Variants in MED6 observed in about 807,000 individuals in gnomAD.
MED6 encodes mediator complex subunit 6.
In MED6, 33 loss-of-function variants were observed where a neutral mutation model predicts 37.5. The observed-to-expected ratio is 0.88, with a 90% CI of 0.67 to 1.18. The LOEUF is 1.18. MED6 is among the 50% of genes most tolerant of loss of function. The pLI is 0.00. For missense variants in MED6, 235 were observed against 290.6 expected (o/e 0.81, Z 1.39); for synonymous variants, 94 against 93.6 (o/e 1.00, Z -0.02).
At chr14:70,590,522 A>C (rs1265997125) in intron 6 of MED6, among the ~76,000 whole-genome samples, 6 of 152,208 alleles carry the variant, frequency 3.9e-5, no homozygotes, top group African/African-American at 1.4e-4. Flanking sequence ...TCATGTGAAA[A>C]ATGTCATTTA....
intron 6 of MED6, among the ~76,000 whole-genome samples, chr14:70,590,022 A>G (rs1438411383): frequency 6.6e-6 from 1 of 152,262 alleles, no homozygotes; most frequent in Non-Finnish European, 1.5e-5. Flanking sequence ...TATTATTTCA[A>G]CATATAATCA....
chr14:70,587,597 T>A (rs1479401600), intron 6 of MED6, among the ~76,000 whole-genome samples: 1 of 152,188 alleles, frequency 6.6e-6, no homozygotes, highest in African/African-American at 2.4e-5. Flanking sequence ...TGAACTATAT[T>A]TGGACATTGG....
chr14:70,595,427 G>A (rs751848691), intron 3 of MED6: 48 of 575,670 alleles, frequency 8.3e-5, no homozygotes, highest in South Asian at 4.6e-4. Context: ...TGACGCTCAC[G>A]GAGCTGAGAG....
rs752950198 is a variant in MED6, at chr14:70,584,786, CTT to C, written c.*25_*26del. ...AGGTATGATAACTAGCATGAGGAGT[CTT>C]CCAGGCTTCTCTTTTGTCCAGTACT... is the stretch of plus-strand genomic sequence containing the variant. On this transcript the variant is annotated 3_prime_UTR_variant, in exon 8 of 8. Coordinates refer to ENST00000256379, the MANE Select transcript of MED6 (RefSeq NM_005466.4). 3.1e-6 allele frequency: 5 copies of C among 1,607,318 alleles called. No homozygotes were observed. The East Asian group carries it at 1.1e-4, about 36-fold the overall frequency.
intron 6 of MED6, among the ~76,000 whole-genome samples, chr14:70,590,816 C>T (rs1884847118): frequency 6.6e-6 from 1 of 152,188 alleles, no homozygotes; most frequent in African/African-American, 2.4e-5. Context: ...ACTCCTGTCT[C>T]CTCTGTTTAT....
At chr14:70,588,211 T>C (rs1466000898) in intron 6 of MED6, among the ~76,000 whole-genome samples, 2 of 152,196 alleles carry the variant, frequency 1.3e-5, no homozygotes, top group African/African-American at 4.8e-5. Flanking sequence ...AAGCCATCTT[T>C]CTCCTAGTTA....
chr14:70,597,801 T>A, intron 1 of MED6, 24 bp from the exon 2 acceptor site: 2 of 1,525,166 alleles, frequency 1.3e-6, no homozygotes, highest in Non-Finnish European at 1.7e-6. Context: ...AACAAAATGA[T>A]AAAGGATTAG....
At chr14:70,592,510 T>G (rs760049816) in intron 5 of MED6, 1 of 102,794 alleles carries the variant, frequency 9.7e-6, no homozygotes, top group African/African-American at 3.5e-5. Context: ...TTTTTTTTTG[T>G]AGAGACCAGG....
chr14:70,597,659 A>T lies in MED6; in HGVS notation c.141T>A (p.Asn47Lys). ...TTAGCCTCTGCATTTTGACCACTTC[A>T]TTATTACATGTTCTGTCATAAAAAG... ...SNPFYDRTCN[N>K]EVVKMQRLTL... Residue 47 changes from asparagine (N) to lysine (K), a missense_variant, in exon 2 of 8, where the codon AAT (asparagine) becomes AAA (lysine). Physicochemically the swap from Asn to Lys is moderately conservative, Grantham distance 94. Transcript: ENST00000256379. The T allele has an allele frequency of 6.5e-7, 1 of 1,550,150 alleles. No homozygotes were observed. Among genetic ancestry groups the T allele is most frequent in the Non-Finnish European group, 8.7e-7 (1 of 1,155,510 alleles).
Position 70,591,321 on chromosome 14 carries a change from C to T in MED6, c.527G>A (p.Arg176His). 1.2e-6 allele frequency: 2 copies of T among 1,610,358 alleles called. No homozygotes were observed. Residue 176 changes from arginine to histidine, a missense_variant, in exon 6 of 8, where the codon CGT becomes CAT. By Grantham distance (29) the Arg-to-His change is conservative. Coordinates refer to ENST00000256379, the MANE Select transcript of MED6 (RefSeq NM_005466.4). ...GAGGTCTAAAAGTAAAGCATCCACA[C>T]GTTGTCTCTGAAAAATAGAGCTTGG... is the stretch of plus-strand genomic sequence containing the variant. ...EEPSSIFQRQ[R>H]VDALLLDLRQ...
Position 70,584,591 on chromosome 14 carries a change from G to A in MED6, c.*222C>T. 4.4e-6 allele frequency: 2 copies of A among 456,558 alleles called. No homozygotes were observed. Among genetic ancestry groups the A allele is most frequent in the Non-Finnish European group, 7.6e-6 (2 of 263,446 alleles). 28.3% of individuals were successfully genotyped at this position (456,558 alleles called of 1,614,324 possible). ...GGGTTTCACCATATTGGTCAGGCTG[G>A]TCTTGAACTTCTGACCTCAAGTGAT... On this transcript the variant is annotated 3_prime_UTR_variant, in exon 8 of 8. Coordinates refer to ENST00000256379, the MANE Select transcript of MED6 (RefSeq NM_005466.4).
chr14:70,593,795 T>C (rs1263014908), intron 3 of MED6, among the ~76,000 whole-genome samples: 2 of 152,312 alleles, frequency 1.3e-5, no homozygotes, highest in East Asian at 3.9e-4. Context: ...CAGTCAACCT[T>C]ACTTAAGGGA....
rs562110098 is a variant in MED6, at chr14:70,599,980, C to T, written c.22+636G>A. ...CTTTAAAAATCAAGTACTATATACA[C>T]AAAAACAACTCTACATGCTCCCCAA... On this transcript the variant is annotated intron_variant, in intron 1 of 7. Coordinates refer to ENST00000256379, the MANE Select transcript of MED6 (RefSeq NM_005466.4). 3.3e-4 allele frequency among the ~76,000 whole-genome samples: 50 copies of T among 151,656 alleles called. 1 individual carries two copies. The highest frequency in any genetic ancestry group is 1.9e-4 in the East Asian group (1 of 5,136).
In MED6 at chr14:70,584,694, T is replaced by C; in HGVS notation, c.*119A>G. On this transcript the variant is annotated 3_prime_UTR_variant, in exon 8 of 8. Coordinates refer to ENST00000256379, the MANE Select transcript of MED6 (RefSeq NM_005466.4). The stretch of plus-strand genomic sequence containing the variant: ...TCCGGCCTAATATCCTTTCAAAAAA[T>C]AAGCGCATTCCATACAAATAAGAAG... The C allele has an allele frequency of 7.6e-7, 1 of 1,319,514 alleles. No homozygotes were observed. Among genetic ancestry groups the C allele is most frequent in the South Asian group, 1.5e-5 (1 of 66,240 alleles). 81.7% of individuals were successfully genotyped at this position (1,319,514 alleles called of 1,614,324 possible).
chr14:70,589,613 ACT>A (rs1412186737), intron 6 of MED6, among the ~76,000 whole-genome samples: 3 of 152,154 alleles, frequency 2.0e-5, no homozygotes, highest in African/African-American at 4.8e-5. Context: ...ACTTAAAATA[ACT>A]CTGAATGCAT....
Position 70,597,748 on chromosome 14 carries a change from T to C in MED6, c.52A>G (p.Ser18Gly). The C allele has an allele frequency of 6.4e-7, 1 of 1,552,266 alleles. No homozygotes were observed. Among genetic ancestry groups the C allele is most frequent in the Non-Finnish European group, 8.6e-7 (1 of 1,161,608 alleles). ...DNLLGISWVD[S>G]SWIPILNSGS... The stretch of plus-strand genomic sequence containing the variant: ...CTGTTCAAAATAGGGATCCAAGAGC[T>C]GTCAACCCAAGAAATTCCCAGCAGA... The change falls in exon 2 of 8, where the codon AGC becomes GGC. Residue 18 changes from serine (S) to glycine (G), a missense_variant. By Grantham distance (56) the Ser-to-Gly change is moderately conservative (BLOSUM62 0). Coordinates refer to ENST00000256379, the MANE Select transcript of MED6 (RefSeq NM_005466.4).
At chr14:70,586,855 G>C (rs1468648822) in intron 6 of MED6, among the ~76,000 whole-genome samples, 1 of 152,188 alleles carries the variant, frequency 6.6e-6, no homozygotes, top group East Asian at 1.9e-4. Context: ...GGTTACCACA[G>C]AAGGCCTGAG....
intron 3 of MED6, chr14:70,594,556 G>T: frequency 2.5e-6 from 1 of 403,492 alleles, no homozygotes; most frequent in Non-Finnish European, 4.9e-6. Context: ...GACAGCATGA[G>T]TTTCACCACT....
intron 3 of MED6, among the ~76,000 whole-genome samples, chr14:70,593,928 C>T (rs193195908): frequency 8.0e-4 from 122 of 152,254 alleles, no homozygotes; most frequent in Non-Finnish European, 1.6e-3. Flanking sequence ...AGGCTACTGC[C>T]GTCTTGTGTA....
Sources: allele counts gnomAD v4.1 joint callset (sites outside exome capture counted in the v4.1 genomes callset), GRCh38; gene constraint gnomAD v4.1.1; transcripts MANE v1.5; gene names NCBI Gene and HGNC (gene_info 2026-07-23, HGNC 2026-07-21).